Variants in SEMA5A observed in about 807,000 individuals in gnomAD.
SEMA5A encodes the protein semaphorin-5A.
Under a neutral mutation model 135.5 loss-of-function variants are expected in SEMA5A, and 55 were observed. The observed-to-expected ratio is 0.41, with a 90% CI of 0.33 to 0.51. The LOEUF (loss-of-function observed/expected upper bound fraction) is 0.51. Ranked by LOEUF, SEMA5A falls within the 20% of genes least tolerant of loss-of-function variation. SEMA5A has a pLI of 0.37. For missense variants in SEMA5A, 1,290 were observed against 1,419.9 expected (o/e 0.91, Z 1.47); for synonymous variants, 580 against 546.5 (o/e 1.06, Z -0.85).
intron 3 of SEMA5A, among the ~76,000 whole-genome samples, chr5:9,345,069 G>A (rs558318523): frequency 3.3e-5 from 5 of 152,292 alleles, no homozygotes; most frequent in Admixed American, 3.3e-4. Flanking sequence ...CCGGCATTTA[G>A]ATCCTGAGAT....
Position 9,154,107 on chromosome 5 carries a change from A to G in SEMA5A, c.1481+381T>C, listed in dbSNP as rs113672612. ...TATATATATATATGTGTGTGTGTGT[A>G]TGTGTGTGTATGTATGTATGTGTGT... On this transcript the variant is annotated intron_variant, in intron 12 of 22. Coordinates refer to ENST00000382496, the MANE Select transcript of SEMA5A (RefSeq NM_003966.3). 6.4e-3 allele frequency among the ~76,000 whole-genome samples: 434 copies of G among 68,136 alleles called. 7 individuals are homozygous for G. The highest frequency in any genetic ancestry group is 0.019 in the African/African-American group (402 of 20,724). 44.7% of individuals were successfully genotyped at this position (68,136 alleles called of 152,430 possible).
At chr5:9,258,644 G>A (rs887012081) in intron 5 of SEMA5A, among the ~76,000 whole-genome samples, 31 of 151,934 alleles carry the variant, frequency 2.0e-4, no homozygotes, top group African/African-American at 3.4e-4. Flanking sequence ...TTTCCTCATT[G>A]CTTGCTGGAT....
intron 2 of SEMA5A, among the ~76,000 whole-genome samples, chr5:9,385,794 CT>C (rs5865830): frequency 0.14 from 14,954 of 109,496 alleles, 783 homozygotes; most frequent in Admixed American, 0.25. Context: ...TTGGAAAGCG[CT>C]TTTTTTTTTT....
chr5:9,237,740 C>CA, intron 6 of SEMA5A, 88 bp downstream of exon 6: 1 of 1,191,716 alleles, frequency 8.4e-7, no homozygotes. Flanking sequence ...GCACCGTAAT[C>CA]AGGAATACTC....
Position 9,190,396 on chromosome 5 carries a change from T to G in SEMA5A, c.1144A>C (p.Met382Leu). The stretch of plus-strand genomic sequence containing the variant: ...GTCACTGGCTGTACCACCTCATGCA[T>G]CAGAATGAACTTCTGAGCATCCTGC... ...NLQDAQKFIL[M>L]HEVVQPVTTV... The change falls in exon 11 of 23, where the codon ATG (methionine) becomes CTG (leucine). Residue 382 changes from methionine to leucine, a missense_variant. This residue lies in a region of SEMA5A where 1,029 missense variants were observed against 1,086.6 expected (regional missense o/e 0.95). Transcript: ENST00000382496. The G allele has an allele frequency of 6.2e-7, 1 of 1,613,954 alleles. No individual in the cohort carries two copies. Among genetic ancestry groups the G allele is most frequent in the Non-Finnish European group, 8.5e-7 (1 of 1,179,998 alleles).
chr5:9,206,169 T>C (rs1806061), intron 8 of SEMA5A, among the ~76,000 whole-genome samples: 1,913 of 152,254 alleles, frequency 0.013, 48 homozygotes, highest in African/African-American at 0.043. Context: ...TTGTCTACAA[T>C]GGATAGGAGT....
rs905389529 is a variant in SEMA5A at position 9,036,766 on chromosome 5, C to G, written c.*6131G>C. On this transcript the variant is annotated 3_prime_UTR_variant, in exon 23 of 23. Coordinates refer to ENST00000382496, the MANE Select transcript of SEMA5A (RefSeq NM_003966.3). ...TAATTTTCTTTAAAGTAAATCCAAT[C>G]AATCTTCTCCTTCTAATTAGACCAA... is the stretch of plus-strand genomic sequence containing the variant. 6.6e-6 allele frequency: 1 copy of G among 152,570 alleles called. No homozygotes were observed. The highest frequency in any genetic ancestry group is 1.5e-5 in the Non-Finnish European group (1 of 68,026). The allele number at this position is 152,570 out of a possible 1,614,324, so 9.5% of individuals were successfully genotyped here.
At chr5:9,250,926 G>A (rs1278642627) in intron 5 of SEMA5A, among the ~76,000 whole-genome samples, 1 of 152,090 alleles carries the variant, frequency 6.6e-6, no homozygotes, top group Non-Finnish European at 1.5e-5. Flanking sequence ...ATTTTTCTTA[G>A]ATTTTCACAT....
At chr5:9,221,523 C>G (rs4702615) in intron 8 of SEMA5A, among the ~76,000 whole-genome samples, 2 of 150,756 alleles carry the variant, frequency 1.3e-5, no homozygotes, top group Admixed American at 6.6e-5. Context: ...AGGATGGTCT[C>G]GATCTCCTGA....
At chr5:9,359,070 C>G (rs1561183737) in intron 3 of SEMA5A, among the ~76,000 whole-genome samples, 1 of 152,086 alleles carries the variant, frequency 6.6e-6, no homozygotes, top group Admixed American at 6.5e-5. Context: ...CCCCCAGATC[C>G]TCAGCAGCAG....
chr5:9,221,573 A>T (rs563111307), intron 8 of SEMA5A, among the ~76,000 whole-genome samples: 23 of 152,232 alleles, frequency 1.5e-4, no homozygotes, highest in African/African-American at 5.3e-4. Flanking sequence ...AAGTGCTGGG[A>T]TTACAGGCGT....
chr5:9,318,266 T>A, intron 5 of SEMA5A, 106 bp downstream of exon 5: 3 of 1,090,032 alleles, frequency 2.8e-6, no homozygotes, highest in Non-Finnish European at 4.0e-6. Context: ...AACGAGCCCC[T>A]GCTCAGGCTG....
chr5:9,133,499 G>C (rs1302866965), intron 13 of SEMA5A, among the ~76,000 whole-genome samples: 1 of 152,110 alleles, frequency 6.6e-6, no homozygotes, highest in Non-Finnish European at 1.5e-5. Context: ...ACATAGTTTT[G>C]TGTAATGAAA....
intron 2 of SEMA5A, among the ~76,000 whole-genome samples, chr5:9,380,850 G>A (rs976492298): frequency 1.1e-4 from 17 of 152,110 alleles, no homozygotes; most frequent in Admixed American, 2.0e-4. Context: ...GATCTATGAC[G>A]GGTCCATGCA....
intron 1 of SEMA5A, among the ~76,000 whole-genome samples, chr5:9,455,548 G>A (rs888971210): frequency 6.6e-6 from 1 of 152,092 alleles, no homozygotes; most frequent in East Asian, 1.9e-4. Flanking sequence ...GAGCCACCGC[G>A]CCCAGCCGCA....
At chr5:9,092,931 AT>A (rs1739114894) in intron 16 of SEMA5A, among the ~76,000 whole-genome samples, 1 of 152,236 alleles carries the variant, frequency 6.6e-6, no homozygotes, top group African/African-American at 2.4e-5. Flanking sequence ...AGTGAAAAAA[AT>A]ATTGTCCCTG....
intron 11 of SEMA5A, among the ~76,000 whole-genome samples, chr5:9,167,661 C>A (rs536985592): frequency 3.9e-5 from 6 of 152,302 alleles, no homozygotes; most frequent in East Asian, 1.9e-4. Flanking sequence ...GAGTGGGAAC[C>A]TTTTCTCACC....
chr5:9,203,998 G>C (rs1389055914), intron 8 of SEMA5A, among the ~76,000 whole-genome samples: 1 of 152,090 alleles, frequency 6.6e-6, no homozygotes, highest in Non-Finnish European at 1.5e-5. Context: ...TGTTAAGTCT[G>C]TGTTTACTGT....
chr5:9,369,847 G>C (rs533891627), intron 3 of SEMA5A, among the ~76,000 whole-genome samples: 2 of 150,830 alleles, frequency 1.3e-5, no homozygotes, highest in Admixed American at 1.3e-4. Flanking sequence ...AAGTTCCATC[G>C]CTGATGGAAC....
Sources: gnomAD v4.1 joint callset for allele counts (sites outside exome capture counted in the v4.1 genomes callset) on GRCh38, gnomAD v4.1.1 for gene constraint, gnomAD v4.1.1 regional missense constraint, MANE v1.5 for transcripts, NCBI Gene and HGNC (gene_info 2026-07-23, HGNC 2026-07-21) for gene names.